Variants in MATN2 observed in about 807,000 individuals in gnomAD.
The protein encoded by MATN2 is matrilin-2.
MATN2 carries 69 observed loss-of-function variants against 103.2 expected under a neutral mutation model. That is an observed-to-expected ratio of 0.67 (90% CI 0.55 to 0.82). The LOEUF (loss-of-function observed/expected upper bound fraction) is 0.82. MATN2 is among the 40% of genes least tolerant of loss of function. The probability of loss-of-function intolerance (pLI) is 0.00; values close to 1 mark genes in which losing one functional copy is unlikely to be tolerated. For missense variants in MATN2, 1,023 were observed against 1,211.5 expected (o/e 0.84, Z 2.31); for synonymous variants, 429 against 450.2 (o/e 0.95, Z 0.60).
intron 14 of MATN2, among the ~76,000 whole-genome samples, chr8:98,028,320 G>A (rs762634905): frequency 6.6e-6 from 1 of 152,106 alleles, no homozygotes; most frequent in Non-Finnish European, 1.5e-5. Context: ...GTTTCCAGGA[G>A]GCAAAGTTAG....
At chr8:97,903,615 C>T (rs947450453) in intron 2 of MATN2, among the ~76,000 whole-genome samples, 4 of 152,142 alleles carry the variant, frequency 2.6e-5, no homozygotes, top group East Asian at 1.9e-4. Flanking sequence ...ATATCCTAGG[C>T]GGGAACTGGG....
chr8:97,934,677 A>G (rs10109633), intron 3 of MATN2, among the ~76,000 whole-genome samples: 59,974 of 152,022 alleles, frequency 0.39, 11,882 homozygotes, highest in African/African-American at 0.43. Flanking sequence ...TGATTTTGAG[A>G]GCTTCAGTAT....
intron 1 of MATN2, among the ~76,000 whole-genome samples, chr8:97,885,826 G>A (rs1385752297): frequency 1.3e-5 from 2 of 152,160 alleles, no homozygotes; most frequent in African/African-American, 4.8e-5. Context: ...GGTTTAAAAA[G>A]GGGGGTGAGG....
At position 97,871,462 on chromosome 8, in the gene MATN2, A is replaced by C. The variant is rs535776156; in HGVS notation, c.-27+2175A>C. Among the ~76,000 whole-genome samples the C allele has an allele frequency of 1.5e-4, 23 of 152,332 alleles. No individual in the cohort carries two copies. The South Asian group carries it at 4.6e-3, about 30-fold the overall frequency. On this transcript the variant is annotated intron_variant, in intron 1 of 18. Coordinates refer to ENST00000254898, the MANE Select transcript of MATN2 (RefSeq NM_002380.5). ...GTGGTTTAAGACCAGTCAAGTTGGC[A>C]GAGAGCCTCTAGTGCTGCCCCTGGC...
chr8:98,003,504 G>A, intron 7 of MATN2, 157 bp from the exon 8 acceptor site: 1 of 714,694 alleles, frequency 1.4e-6, no homozygotes, highest in Non-Finnish European at 2.3e-6. Flanking sequence ...CTGGCACTTG[G>A]CTGGCAGACA....
chr8:97,933,167 C>G (rs1436490969), intron 3 of MATN2, among the ~76,000 whole-genome samples: 2 of 152,136 alleles, frequency 1.3e-5, no homozygotes, highest in Non-Finnish European at 2.9e-5. Context: ...AAAAAAGAAC[C>G]TTTTTCCTTG....
intron 5 of MATN2, among the ~76,000 whole-genome samples, chr8:97,978,059 A>G (rs1811897277): frequency 6.6e-6 from 1 of 152,008 alleles, no homozygotes; most frequent in South Asian, 2.1e-4. Context: ...TTTACTTCTT[A>G]TCTGCTCCCC....
chr8:97,933,517 GC>G (rs71271172), intron 3 of MATN2, among the ~76,000 whole-genome samples: 3 of 137,864 alleles, frequency 2.2e-5, no homozygotes, highest in South Asian at 4.8e-4. Context: ...GGGACTGACC[GC>G]CCCCCTCCCC....
chr8:97,899,476 A>AC (rs1818916261), intron 2 of MATN2, among the ~76,000 whole-genome samples: 3 of 152,156 alleles, frequency 2.0e-5, no homozygotes, highest in African/African-American at 7.2e-5. Flanking sequence ...CTGGAGCTAG[A>AC]AGTCTGAGCT....
intron 1 of MATN2, 58 bp from the exon 2 acceptor site, chr8:97,888,017 A>T (rs1464632745): frequency 6.6e-7 from 1 of 1,520,548 alleles, no homozygotes; most frequent in Non-Finnish European, 8.9e-7. Flanking sequence ...CAGCTCCTGG[A>T]GTTCAGGGAG....
chr8:97,929,613 C>A (rs2331806), intron 2 of MATN2, among the ~76,000 whole-genome samples: 64,407 of 152,116 alleles, frequency 0.42, 14,794 homozygotes, highest in East Asian at 0.84. Flanking sequence ...TCTTGCTTAG[C>A]AGCTTAAGGC....
At chr8:97,953,644 G>T (rs1027261515) in intron 4 of MATN2, among the ~76,000 whole-genome samples, 1 of 152,146 alleles carries the variant, frequency 6.6e-6, no homozygotes, top group African/African-American at 2.4e-5. Flanking sequence ...AAATTAGGCG[G>T]GCATGGTGGC....
At chr8:97,958,941 C>T (rs1811222223) in intron 4 of MATN2, among the ~76,000 whole-genome samples, 1 of 152,200 alleles carries the variant, frequency 6.6e-6, no homozygotes, top group African/African-American at 2.4e-5. Context: ...TCAGCTGCCA[C>T]GCCTCTCCTG....
At chr8:97,956,189 C>A (rs1029751782) in intron 4 of MATN2, among the ~76,000 whole-genome samples, 1 of 152,048 alleles carries the variant, frequency 6.6e-6, no homozygotes, top group Non-Finnish European at 1.5e-5. Context: ...CATATTTATA[C>A]CCACTTTTTT....
At chr8:97,903,827 G>A (rs1391500193) in intron 2 of MATN2, among the ~76,000 whole-genome samples, 1 of 152,208 alleles carries the variant, frequency 6.6e-6, no homozygotes, top group Non-Finnish European at 1.5e-5. Flanking sequence ...ACGGAGATAG[G>A]ACCACTTGAT....
intron 1 of MATN2, among the ~76,000 whole-genome samples, chr8:97,878,079 A>T (rs941966380): frequency 7.2e-5 from 11 of 152,252 alleles, no homozygotes; most frequent in African/African-American, 2.7e-4. Flanking sequence ...TGGAAAAAAA[A>T]AGTTATGGAA....
intron 1 of MATN2, among the ~76,000 whole-genome samples, chr8:97,882,187 G>A (rs1032777332): frequency 6.6e-6 from 1 of 151,270 alleles, no homozygotes; most frequent in Non-Finnish European, 1.5e-5. Flanking sequence ...GCTTCCCAAA[G>A]TGCTGGGATT....
Position 98,021,794 on chromosome 8 carries a change from AAC to A in MATN2, c.1942+469_1942+470del, listed in dbSNP as rs1200487990. ...TGAAATTTAAAAGCCATAAAAGAAA[AAC>A]AAAGGAAAATATCTAGTAAGAGAGT... On this transcript the variant is annotated intron_variant, in intron 13 of 18. Coordinates refer to ENST00000254898, the MANE Select transcript of MATN2 (RefSeq NM_002380.5). Among the ~76,000 whole-genome samples the A allele has an allele frequency of 7.9e-5, 12 of 152,340 alleles. No individual in the cohort carries two copies. The East Asian group carries it at 2.1e-3, about 27-fold the overall frequency.
chr8:98,002,295 A>G (rs1812815557), intron 7 of MATN2, among the ~76,000 whole-genome samples: 1 of 152,242 alleles, frequency 6.6e-6, no homozygotes, highest in Non-Finnish European at 1.5e-5. Context: ...CTGGGGCAGC[A>G]TCAGAGATAC....
Sources: gnomAD v4.1 joint callset for allele counts (sites outside exome capture counted in the v4.1 genomes callset) on GRCh38, gnomAD v4.1.1 for gene constraint, MANE v1.5 for transcripts, NCBI Gene and HGNC (gene_info 2026-07-23, HGNC 2026-07-21) for gene names.